KIF26B: variants seen among roughly 807,000 people sequenced by gnomAD.
KIF26B encodes kinesin family member 26B.
Under a neutral mutation model 151.2 loss-of-function variants are expected in KIF26B, and 63 were observed. The ratio of observed to expected loss-of-function variants is 0.42; its 90% CI spans 0.34 to 0.51. The LOEUF is 0.51. Among genes scored for constraint, KIF26B ranks in the 20% least tolerant of loss-of-function variants. The pLI, the probability that KIF26B is intolerant of heterozygous loss-of-function variation, is 0.07. For missense variants in KIF26B, 2,813 were observed against 2,913.6 expected (o/e 0.97, Z 0.79); for synonymous variants, 1,357 against 1,262.1 (o/e 1.08, Z -1.59).
chr1:245,431,831 A>C (rs1658789919), intron 4 of KIF26B, among the ~76,000 whole-genome samples: 1 of 152,160 alleles, frequency 6.6e-6, no homozygotes, highest in Non-Finnish European at 1.5e-5. Context: ...TATCGCTTTC[A>C]GTCTCATGCA....
chr1:245,346,500 T>G (rs749419527), intron 2 of KIF26B, among the ~76,000 whole-genome samples: 4 of 152,190 alleles, frequency 2.6e-5, no homozygotes, highest in African/African-American at 4.8e-5. Flanking sequence ...ACCTTGTTCC[T>G]TGTGGATTGA....
chr1:245,686,349 C>G lies in KIF26B; in HGVS notation c.3366C>G (p.Pro1122=), dbSNP rs144717057. Reference sequence around the variant, plus strand: ...CGTCTAGGGAGTCCTTGCTGCAGCCCGAGGTGCGTACGCCCCCGGTTGGAA... The same window carrying G: ...CGTCTAGGGAGTCCTTGCTGCAGCCGGAGGTGCGTACGCCCCCGGTTGGAA... ...GVASRESLLQ[P]EVRTPPVGMS... The change falls in exon 12 of 15, where the codon CCC becomes CCG. Residue 1122 remains proline (P), a synonymous_variant. Coordinates refer to ENST00000407071, the MANE Select transcript of KIF26B (RefSeq NM_018012.4). The surrounding 1 kb of genome is among the most constrained non-coding windows in gnomAD (Gnocchi z 5.6). 6.2e-7 allele frequency: 1 copy of G among 1,613,302 alleles called. No homozygotes were observed. Among genetic ancestry groups the G allele is most frequent in the Non-Finnish European group, 8.5e-7 (1 of 1,179,870 alleles).
intron 1 of KIF26B, 70 bp downstream of exon 1, chr1:245,155,557 G>T: frequency 2.2e-6 from 3 of 1,368,096 alleles, no homozygotes; most frequent in Non-Finnish European, 2.0e-6. Flanking sequence ...CCTTTCCCCG[G>T]GATCGTGCGG....
rs1469137088 is a variant in KIF26B at position 245,184,047 on chromosome 1, G to GTTTTT, written c.465+27366_465+27367insTTTTT. 7.1e-3 allele frequency among the ~76,000 whole-genome samples: 65 copies of GTTTTT among 9,216 alleles called. 2 individuals are homozygous for GTTTTT. The highest frequency in any genetic ancestry group is 0.017 in the Admixed American group (9 of 532). 6.0% of individuals were successfully genotyped at this position (9,216 alleles called of 152,430 possible). A position where few individuals can be genotyped will look rare whatever the true frequency, so the allele number is the denominator to read the frequency against. On this transcript the variant is annotated intron_variant, in intron 2 of 14. Coordinates refer to ENST00000407071, the MANE Select transcript of KIF26B (RefSeq NM_018012.4). The stretch of plus-strand genomic sequence containing the variant: ...CCTGCAACAGGTATGGGTGGGAGTT[G>GTTTTT]TTGTTTTTTTTTTTTTTTTTTTGAG...
intron 2 of KIF26B, among the ~76,000 whole-genome samples, chr1:245,249,828 A>T (rs1308685755): frequency 3.9e-5 from 6 of 152,166 alleles, no homozygotes; most frequent in Non-Finnish European, 7.4e-5. Flanking sequence ...TCTGGGAAGC[A>T]TTGCTTTGTT....
chr1:245,191,556 GATAGA>G (rs1290420853), intron 2 of KIF26B, among the ~76,000 whole-genome samples: 3 of 152,118 alleles, frequency 2.0e-5, no homozygotes, highest in Non-Finnish European at 4.4e-5. Flanking sequence ...TTCTAAGCTT[GATAGA>G]ATAGAAGGTA....
chr1:245,665,762 G>A (rs939517067), intron 10 of KIF26B, among the ~76,000 whole-genome samples: 1 of 151,866 alleles, frequency 6.6e-6, no homozygotes, highest in Non-Finnish European at 1.5e-5. Flanking sequence ...ACCCAGGACT[G>A]CAACCTCCGC....
intron 10 of KIF26B, among the ~76,000 whole-genome samples, chr1:245,679,457 G>GTTTTTTTTTTTTTTTTTTTTTTTTTTT (rs35663208): frequency 3.4e-5 from 2 of 59,210 alleles, no homozygotes; most frequent in Non-Finnish European, 3.2e-5. Context: ...TTTTGTGTGT[G>GTTTTTTTTTTTTTTTTTTTTTTTTTTT]TTTTTTTTTT....
At chr1:245,614,548 TG>T (rs1405959299) in intron 9 of KIF26B, among the ~76,000 whole-genome samples, 2 of 152,372 alleles carry the variant, frequency 1.3e-5, no homozygotes, top group East Asian at 3.9e-4. Context: ...TATCCACAGC[TG>T]GGGCTGGAGT....
At chr1:245,323,288 C>T (rs1671922301) in intron 2 of KIF26B, among the ~76,000 whole-genome samples, 1 of 152,130 alleles carries the variant, frequency 6.6e-6, no homozygotes, top group African/African-American at 2.4e-5. Flanking sequence ...GATCTTTCAA[C>T]AGTCTCTCAG....
chr1:245,217,890 C>T (rs897794147), intron 2 of KIF26B, among the ~76,000 whole-genome samples: 1 of 152,162 alleles, frequency 6.6e-6, no homozygotes, highest in Non-Finnish European at 1.5e-5. Flanking sequence ...CATCACCAAC[C>T]TGCCGGTTAG....
At chr1:245,353,962 GATGTTGCCAGGATT>G (rs1672625981) in intron 2 of KIF26B, 1 of 152,570 alleles carries the variant, frequency 6.6e-6, no homozygotes, top group Admixed American at 6.5e-5. Flanking sequence ...CCCAAGTTCA[GATGTTGCCAGGATT>G]TTACATCCTC....
chr1:245,410,478 TCGCTCTGTCACC>T (rs1288906879), intron 3 of KIF26B, among the ~76,000 whole-genome samples: 5 of 152,310 alleles, frequency 3.3e-5, no homozygotes, highest in African/African-American at 7.2e-5. Context: ...AGACAGGGTC[TCGCTCTGTCACC>T]CAAGCTGGAG....
chr1:245,542,497 A>C (rs946405), intron 5 of KIF26B, among the ~76,000 whole-genome samples: 146,691 of 152,262 alleles, frequency 0.96, 70,941 homozygotes, highest in East Asian at 1. Context: ...GGAGGCAGGG[A>C]AGTGGCCTGG....
chr1:245,223,172 C>T (rs575900234), intron 2 of KIF26B, among the ~76,000 whole-genome samples: 1 of 152,308 alleles, frequency 6.6e-6, no homozygotes, highest in Non-Finnish European at 1.5e-5. Flanking sequence ...CAAGCCCCCA[C>T]CACAGAGAAT....
chr1:245,627,397 A>G (rs993693851), intron 9 of KIF26B, among the ~76,000 whole-genome samples: 4 of 152,178 alleles, frequency 2.6e-5, no homozygotes, highest in Admixed American at 1.3e-4. Context: ...CTGCTCCTGA[A>G]TGAGTCCTGG....
chr1:245,618,860 C>T lies in KIF26B; in HGVS notation c.2098+6884C>T, dbSNP rs565704260. On this transcript the variant is annotated intron_variant, in intron 9 of 14. Coordinates refer to ENST00000407071, the MANE Select transcript of KIF26B (RefSeq NM_018012.4). ...CTATTAGACTATAGGTTCCTTGAGA[C>T]AGAGTGCCACAGTGCTGGGGCTGTG... Among the ~76,000 whole-genome samples the T allele has an allele frequency of 1.9e-3, 273 of 142,760 alleles. 5 individuals carry two copies. The highest frequency in any genetic ancestry group is 7.1e-3 in the African/African-American group (254 of 35,752). The allele number at this position is 142,760 out of a possible 152,430, so 93.7% of individuals were successfully genotyped here.
At chr1:245,155,540 A>G (rs2103514424) in intron 1 of KIF26B, 53 bp downstream of exon 1, 1 of 1,469,170 alleles carries the variant, frequency 6.8e-7, no homozygotes, top group Non-Finnish European at 9.4e-7. Context: ...ATCTCGGCGG[A>G]GGTCCCCCTT....
chr1:245,674,733 T>G (rs1322789401), intron 10 of KIF26B, among the ~76,000 whole-genome samples: 1 of 152,238 alleles, frequency 6.6e-6, no homozygotes, highest in Non-Finnish European at 1.5e-5. Flanking sequence ...TTGTACATAT[T>G]GGCTGAGTTA....
Sources: allele counts gnomAD v4.1 joint callset (sites outside exome capture counted in the v4.1 genomes callset), GRCh38; gene constraint gnomAD v4.1.1; non-coding constraint Gnocchi (gnomAD v3.1); transcripts MANE v1.5; gene names NCBI Gene and HGNC (gene_info 2026-07-23, HGNC 2026-07-21).